NXN: variants seen among roughly 807,000 people sequenced by gnomAD.
NXN encodes the protein nucleoredoxin.
Under a neutral mutation model 48.6 loss-of-function variants are expected in NXN, and 16 were observed. The observed-to-expected ratio is 0.33, with a 90% CI of 0.22 to 0.50. The LOEUF is 0.50. NXN is among the 20% of genes least tolerant of loss of function. The pLI is 0.98. For synonymous variants in NXN, 281 were observed against 269.6 expected (o/e 1.04, Z -0.41); for missense variants, 492 against 605.5 (o/e 0.81, Z 1.97).
intron 1 of NXN, among the ~76,000 whole-genome samples, chr17:953,440 C>T (rs765045260): frequency 1.1e-4 from 16 of 152,044 alleles, no homozygotes; most frequent in Non-Finnish European, 2.2e-4. Flanking sequence ...TATGACCCCC[C>T]TCCCACCACA....
At position 870,301 on chromosome 17, in the gene NXN, C is replaced by T. The variant is rs140877047; in HGVS notation, c.361-44223G>A. Among the ~76,000 whole-genome samples, 284 of 152,274 alleles carry T rather than the reference C, an allele frequency of 1.9e-3. 1 individual carries two copies. Among genetic ancestry groups the T allele is most frequent in the African/African-American group, 6.0e-3 (248 of 41,538 alleles). The stretch of plus-strand genomic sequence containing the variant: ...AGGGAAAGTTCATCCAGAAAGATTC[C>T]GGTTCTGTGAGTGTTACTAACGGGG... On this transcript the variant is annotated intron_variant, in intron 1 of 7. Coordinates refer to ENST00000336868, the MANE Select transcript of NXN (RefSeq NM_022463.5).
chr17:944,132 G>A (rs932773184), intron 1 of NXN, among the ~76,000 whole-genome samples: 4 of 151,660 alleles, frequency 2.6e-5, no homozygotes, highest in Middle Eastern at 3.2e-3. Context: ...CCAGCTACTC[G>A]GGAGGCTGAG....
intron 1 of NXN, among the ~76,000 whole-genome samples, chr17:873,263 G>A (rs575966994): frequency 8.5e-5 from 13 of 152,094 alleles, no homozygotes; most frequent in South Asian, 6.2e-4. Flanking sequence ...GTGGGAGGCC[G>A]AGGAGGGTGG....
chr17:878,500 G>A (rs2068245192), intron 1 of NXN, among the ~76,000 whole-genome samples: 1 of 93,458 alleles, frequency 1.1e-5, no homozygotes, highest in Non-Finnish European at 2.1e-5. Flanking sequence ...GGGAGGGGGT[G>A]CCCTTGAAGG....
intron 1 of NXN, among the ~76,000 whole-genome samples, chr17:866,287 T>C (rs1314573369): frequency 6.6e-6 from 1 of 151,736 alleles, no homozygotes; most frequent in Non-Finnish European, 1.5e-5. Context: ...GAAGGATGTA[T>C]ATAAGAAACT....
At chr17:970,688 G>A (rs902584744) in intron 1 of NXN, among the ~76,000 whole-genome samples, 1 of 152,198 alleles carries the variant, frequency 6.6e-6, no homozygotes, top group Non-Finnish European at 1.5e-5. Context: ...GAACAGAAAG[G>A]ACCAAGTTGA....
intron 1 of NXN, among the ~76,000 whole-genome samples, chr17:942,677 A>C (rs1010968384): frequency 5.8e-5 from 7 of 120,098 alleles, no homozygotes; most frequent in African/African-American, 1.1e-4. Context: ...TACAGCGAAC[A>C]AGATTCCAGG....
rs772323991 is a variant in NXN, at chr17:825,933, G to A, written c.478+28C>T. ...GAGGAGGGAGGGCTGGGTAATAAGAGGACCATATGCACGGGCTGAGGTTTT... is the reference window on the plus strand; with the variant it reads ...GAGGAGGGAGGGCTGGGTAATAAGAAGACCATATGCACGGGCTGAGGTTTT... On this transcript the variant is annotated intron_variant, in intron 2 of 7. Transcript: ENST00000336868. The surrounding 1 kb of genome is among the most constrained non-coding windows in gnomAD (Gnocchi z 4.1). 4 of 1,431,314 alleles carry A rather than the reference G, an allele frequency of 2.8e-6. No individual in the cohort carries two copies. The highest frequency in any genetic ancestry group is 2.3e-5 in the East Asian group (1 of 44,002). The allele number at this position is 1,431,314 out of a possible 1,614,324, so 88.7% of individuals were successfully genotyped here.
chr17:809,678 G>C (rs1356527154), intron 5 of NXN, among the ~76,000 whole-genome samples: 1 of 152,220 alleles, frequency 6.6e-6, no homozygotes, highest in East Asian at 1.9e-4. Context: ...GAGCTGGTGA[G>C]GACGCACCAG....
intron 1 of NXN, among the ~76,000 whole-genome samples, chr17:842,191 C>T (rs1017646887): frequency 6.6e-6 from 1 of 152,134 alleles, no homozygotes; most frequent in Admixed American, 6.5e-5. Context: ...GCTCGACATC[C>T]TTCCAGTTAA....
chr17:806,517 C>T (rs899649802), intron 5 of NXN, among the ~76,000 whole-genome samples: 10 of 152,150 alleles, frequency 6.6e-5, no homozygotes, highest in Non-Finnish European at 7.3e-5. Context: ...GCTACAGGCC[C>T]CCACCCACGG....
chr17:843,629 G>A (rs749021973), intron 1 of NXN, among the ~76,000 whole-genome samples: 3 of 152,194 alleles, frequency 2.0e-5, no homozygotes, highest in Non-Finnish European at 2.9e-5. Context: ...AGCCAGCGTC[G>A]ATCTGGAGTC....
intron 5 of NXN, among the ~76,000 whole-genome samples, chr17:806,944 A>ACACG (rs201098787): frequency 6.9e-6 from 1 of 145,592 alleles, no homozygotes; most frequent in Non-Finnish European, 1.5e-5. Context: ...ACACACACAC[A>ACACG]CACGCACGCG....
chr17:913,168 G>A (rs1238235348), intron 1 of NXN, among the ~76,000 whole-genome samples: 1 of 152,024 alleles, frequency 6.6e-6, no homozygotes, highest in Non-Finnish European at 1.5e-5. Context: ...ATAAATAGAG[G>A]CTAACTTCTT....
At chr17:938,633 G>A (rs2068935634) in intron 1 of NXN, among the ~76,000 whole-genome samples, 1 of 152,164 alleles carries the variant, frequency 6.6e-6, no homozygotes, top group Non-Finnish European at 1.5e-5. Flanking sequence ...GCAGTGAGCC[G>A]AGATTGCGCC....
At chr17:934,363 G>A (rs1046498957) in intron 1 of NXN, among the ~76,000 whole-genome samples, 8 of 150,920 alleles carry the variant, frequency 5.3e-5, no homozygotes, top group African/African-American at 9.8e-5. Context: ...GGAGAATTGC[G>A]TGAACCCGGG....
chr17:873,836 T>C (rs186460774), intron 1 of NXN, among the ~76,000 whole-genome samples: 1 of 152,252 alleles, frequency 6.6e-6, no homozygotes, highest in East Asian at 1.9e-4. Context: ...ATTAATTACA[T>C]AGGACAGTGA....
In NXN at chr17:898,457, T is replaced by C. The variant is rs543232328; in HGVS notation, c.361-72379A>G. Reference sequence around the variant, plus strand: ...TGAGAAACTACTCTGAGGCCAGGTGTAATGTCTCACCCCTGTAATCCCAGC... The same window carrying C: ...TGAGAAACTACTCTGAGGCCAGGTGCAATGTCTCACCCCTGTAATCCCAGC... On this transcript the variant is annotated intron_variant, in intron 1 of 7. Transcript: ENST00000336868. 3.9e-4 allele frequency among the ~76,000 whole-genome samples: 18 copies of C among 46,028 alleles called. 8 individuals are homozygous for C. The highest frequency in any genetic ancestry group is 1.1e-3 in the South Asian group (2 of 1,868). The allele number at this position is 46,028 out of a possible 152,430, so 30.2% of individuals were successfully genotyped here.
chr17:914,398 G>T (rs2068666220), intron 1 of NXN, among the ~76,000 whole-genome samples: 1 of 151,680 alleles, frequency 6.6e-6, no homozygotes, highest in Non-Finnish European at 1.5e-5. Flanking sequence ...TCAAACTCCT[G>T]ACCTCAGGTG....
Sources: gnomAD v4.1 joint callset for allele counts (sites outside exome capture counted in the v4.1 genomes callset) on GRCh38, gnomAD v4.1.1 for gene constraint, Gnocchi (gnomAD v3.1) non-coding constraint, MANE v1.5 for transcripts, NCBI Gene and HGNC (gene_info 2026-07-23, HGNC 2026-07-21) for gene names.